PPP1R37: variants seen among roughly 807,000 people sequenced by gnomAD.
PPP1R37 encodes the protein leucine rich repeat containing 68.
A neutral mutation model predicts 61.0 loss-of-function variants in PPP1R37; 21 were observed. That is an observed-to-expected ratio of 0.34 (90% CI 0.24 to 0.50). PPP1R37 has a LOEUF of 0.50. PPP1R37 is among the 20% of genes least tolerant of loss of function. The probability of loss-of-function intolerance (pLI) is 0.98; values close to 1 mark genes in which losing one functional copy is unlikely to be tolerated. For synonymous variants in PPP1R37, 443 were observed against 433.5 expected (o/e 1.02, Z -0.27); for missense variants, 910 against 952.7 (o/e 0.96, Z 0.59).
chr19:45,126,235 G>A (rs1226535109), intron 1 of PPP1R37, among the ~76,000 whole-genome samples: 2 of 152,246 alleles, frequency 1.3e-5, no homozygotes, highest in Non-Finnish European at 2.9e-5. Context: ...CCCCTTGTGG[G>A]GTAGGTGCAT....
intron 1 of PPP1R37, among the ~76,000 whole-genome samples, chr19:45,123,838 G>T (rs1232349686): frequency 6.6e-6 from 1 of 152,192 alleles, no homozygotes; most frequent in Non-Finnish European, 1.5e-5. Context: ...TCCCCTGCCT[G>T]CAGGCTTCCT....
In PPP1R37 at chr19:45,102,699, C is replaced by T. The variant is rs573779808; in HGVS notation, c.202+9172C>T. 4.1e-3 allele frequency among the ~76,000 whole-genome samples: 619 copies of T among 152,366 alleles called. 5 individuals are homozygous for T. The highest frequency in any genetic ancestry group is 0.014 in the African/African-American group (594 of 41,590). ...GGCAAGTCCCTTGACCTCCCTGGAC[C>T]ACTTTCCCCATTTGTGAAGCCATTT... On this transcript the variant is annotated intron_variant, in intron 1 of 12. Coordinates refer to ENST00000221462, the MANE Select transcript of PPP1R37 (RefSeq NM_019121.2).
chr19:45,133,532 C>T (rs533970617), intron 1 of PPP1R37, among the ~76,000 whole-genome samples: 5 of 152,240 alleles, frequency 3.3e-5, no homozygotes, highest in Non-Finnish European at 7.3e-5. Context: ...TGTGCCCTAA[C>T]CACTGCGCAG....
chr19:45,095,938 T>C (rs1349362015), intron 1 of PPP1R37, among the ~76,000 whole-genome samples: 2 of 151,928 alleles, frequency 1.3e-5, no homozygotes, highest in Non-Finnish European at 2.9e-5. Context: ...AGCAGGGTGT[T>C]TCAAGAGCAG....
At chr19:45,115,185 A>G (rs1045514184) in intron 1 of PPP1R37, among the ~76,000 whole-genome samples, 11 of 152,168 alleles carry the variant, frequency 7.2e-5, no homozygotes, top group Non-Finnish European at 8.8e-5. Context: ...CAACCAGCAG[A>G]CAGCACCACT....
rs184272135 is a variant in PPP1R37 at position 45,132,226 on chromosome 19, C to G, written c.203-6288C>G. 2.3e-3 allele frequency among the ~76,000 whole-genome samples: 350 copies of G among 152,186 alleles called. 2 individuals are homozygous for G. The highest frequency in any genetic ancestry group is 7.5e-3 in the African/African-American group (310 of 41,442). On this transcript the variant is annotated intron_variant, in intron 1 of 12. Transcript: ENST00000221462. ...ACACTCACACACGTGCCCACCCCCA[C>G]ATACTTGTGTGCACATGGTGGATTT...
rs1226112757 is a variant in PPP1R37 at position 45,141,428 on chromosome 19, A to T, written c.554A>T (p.His185Leu). The T allele has an allele frequency of 1.5e-5, 23 of 1,535,658 alleles. No individual in the cohort carries two copies. In the East Asian group the frequency reaches 5.6e-4, roughly 38 times the overall value. Residue 185 changes from histidine to leucine, a missense_variant, in exon 5 of 13, where the codon CAC (histidine) becomes CTC (leucine). Around this residue, in one of 3 missense-constraint regions of PPP1R37, gnomAD observed 280 missense variants for 382.2 expected, o/e 0.73. Transcript: ENST00000221462. ...ACCCGGGGCTGGCAGGCGGCCGCCC[A>T]CATGATGCGCAAGGTGGGCGCCTCT... ...IGTRGWQAAA[H>L]MMRKTSCLQY...
intron 1 of PPP1R37, among the ~76,000 whole-genome samples, chr19:45,103,981 A>C (rs1484523486): frequency 6.6e-6 from 1 of 152,110 alleles, no homozygotes. Context: ...CCTTTCCCAC[A>C]GAACGCCCAG....
intron 1 of PPP1R37, among the ~76,000 whole-genome samples, chr19:45,096,535 TTTG>T (rs2122703812): frequency 6.6e-6 from 1 of 152,270 alleles, no homozygotes; most frequent in Non-Finnish European, 1.5e-5. Flanking sequence ...TCCAGGCAGA[TTTG>T]TTTTTTGTTT....
intron 2 of PPP1R37, among the ~76,000 whole-genome samples, chr19:45,139,982 CAGAGGG>C (rs1968588869): frequency 6.6e-6 from 1 of 152,258 alleles, no homozygotes; most frequent in Non-Finnish European, 1.5e-5. Context: ...CCCGCTGGGG[CAGAGGG>C]CTTCGCCCAG....
Position 45,145,415 on chromosome 19 carries a change from C to T in PPP1R37, c.1359C>T (p.Arg453=). The change falls in exon 11 of 13, where the codon CGC becomes CGT. Residue 453 remains arginine (R), a synonymous_variant. Coordinates refer to ENST00000221462, the MANE Select transcript of PPP1R37 (RefSeq NM_019121.2). ...LLAEIQNGCK[R]NLVLAREREE... ...CCGAGATCCAGAACGGCTGCAAGCG[C>T]AACTTGGTGCTGGCGCGGGAGAGGG... 6.5e-7 allele frequency: 1 copy of T among 1,535,426 alleles called. No homozygotes were observed. Among genetic ancestry groups the T allele is most frequent in the African/African-American group, 1.4e-5 (1 of 73,144 alleles).
chr19:45,140,937 G>GCAGA (rs1164703755), intron 4 of PPP1R37, among the ~76,000 whole-genome samples: 1 of 152,132 alleles, frequency 6.6e-6, no homozygotes, highest in Non-Finnish European at 1.5e-5. Flanking sequence ...GAAGCATTCT[G>GCAGA]AGAGCAGCCT....
intron 7 of PPP1R37, chr19:45,143,020 G>T: frequency 6.0e-6 from 1 of 167,662 alleles, no homozygotes; most frequent in Non-Finnish European, 1.3e-5. Flanking sequence ...CTGGAGGGGT[G>T]GGGTGGGTCA....
At chr19:45,094,734 A>G (rs978074111) in intron 1 of PPP1R37, among the ~76,000 whole-genome samples, 3 of 142,212 alleles carry the variant, frequency 2.1e-5, no homozygotes, top group African/African-American at 8.5e-5. Context: ...GGCTCAAAGA[A>G]AAAAAAAAAA....
rs1968641882 is a variant in PPP1R37, at chr19:45,143,552, G to A, written c.906G>A (p.Glu302=). The change falls in exon 8 of 13, where the codon GAG becomes GAA. Residue 302 remains glutamate (E), a synonymous_variant. Transcript: ENST00000221462. ...GLAYICEGLK[E]QRKGLVTLVL... ...CCTACATCTGCGAGGGCCTCAAGGA[G>A]CAGAGGAAGGGGCTGGTGACCCTGG... is the stretch of plus-strand genomic sequence containing the variant. 1 of 1,535,602 alleles carries A rather than the reference G, an allele frequency of 6.5e-7. No individual in the cohort carries two copies. Among genetic ancestry groups the A allele is most frequent in the Admixed American group, 2.0e-5 (1 of 50,976 alleles).
rs941308198 is a variant in PPP1R37 at position 45,130,963 on chromosome 19, G to C, written c.203-7551G>C. On this transcript the variant is annotated intron_variant, in intron 1 of 12. Transcript: ENST00000221462. The surrounding 1 kb of genome is among the most constrained non-coding windows in gnomAD (Gnocchi z 4.4). ...GCACAGTGTTGCTTCCTGGTGTTTTGACTCCCACTTGGATGACTGTGTCTG... is the reference window on the plus strand; with the variant it reads ...GCACAGTGTTGCTTCCTGGTGTTTTCACTCCCACTTGGATGACTGTGTCTG... Among the ~76,000 whole-genome samples the C allele has an allele frequency of 6.6e-6, 1 of 152,014 alleles. No homozygotes were observed. Among genetic ancestry groups the C allele is most frequent in the Non-Finnish European group, 1.5e-5 (1 of 67,998 alleles).
At chr19:45,146,235 T>TGCGG (rs1293793669) in intron 11 of PPP1R37, 155 bp from the exon 12 acceptor site, 1 of 871,698 alleles carries the variant, frequency 1.1e-6, no homozygotes, top group African/African-American at 1.9e-5. Context: ...CTTCCTGGGG[T>TGCGG]GGGGGGGCAT....
intron 1 of PPP1R37, 54 bp downstream of exon 1, chr19:45,093,581 A>C: frequency 6.9e-7 from 1 of 1,440,280 alleles, no homozygotes; most frequent in South Asian, 1.2e-5. Flanking sequence ...GGGAGTCGGG[A>C]GGGATCGGTG....
At chr19:45,140,158 G>A in intron 2 of PPP1R37, 78 bp from the exon 3 acceptor site, 2 of 1,305,820 alleles carry the variant, frequency 1.5e-6, no homozygotes, top group Middle Eastern at 1.8e-4. Flanking sequence ...CCTGACCTCA[G>A]GCATAGCAGC....
Sources: gnomAD v4.1 joint callset for allele counts (sites outside exome capture counted in the v4.1 genomes callset) on GRCh38, gnomAD v4.1.1 for gene constraint, gnomAD v4.1.1 regional missense constraint, Gnocchi (gnomAD v3.1) non-coding constraint, MANE v1.5 for transcripts, NCBI Gene and HGNC (gene_info 2026-07-23, HGNC 2026-07-21) for gene names.